The following MED15 variants were observed in gnomAD, a reference collection of about 807,000 sequenced individuals.
MED15 encodes mediator complex subunit 15.
In MED15, 41 loss-of-function variants were observed where a neutral mutation model predicts 118.7. The observed-to-expected ratio is 0.35, with a 90% CI of 0.27 to 0.45. The LOEUF (loss-of-function observed/expected upper bound fraction) is 0.45, where lower values mean the gene tolerates loss of function less well. Ranked by LOEUF, MED15 falls within the 20% of genes least tolerant of loss-of-function variation. MED15 has a pLI of 1.00. For missense variants in MED15, 740 were observed against 1,025.5 expected (o/e 0.72, Z 3.80); for synonymous variants, 436 against 413.9 (o/e 1.05, Z -0.65).
chr22:20,551,744 C>T lies in MED15; in HGVS notation c.208+257C>T, dbSNP rs755031779. 2.0e-4 allele frequency: 110 copies of T among 539,444 alleles called. 1 individual carries two copies. The highest frequency in any genetic ancestry group is 3.0e-4 in the Non-Finnish European group (90 of 301,016). 33.4% of individuals were successfully genotyped at this position (539,444 alleles called of 1,614,324 possible). A position where few individuals can be genotyped will look rare whatever the true frequency, so the allele number is the denominator to read the frequency against. ...TCAAAGTGGTCTAAACGGGTTGCTG[C>T]TTCACTTGCTCACTTAATCTCCCTT... On this transcript the variant is annotated intron_variant, in intron 3 of 17. Coordinates refer to ENST00000263205, the MANE Select transcript of MED15 (RefSeq NM_001003891.3).
At chr22:20,515,694 G>T (rs2054225736) in intron 1 of MED15, among the ~76,000 whole-genome samples, 1 of 151,886 alleles carries the variant, frequency 6.6e-6, no homozygotes, top group Non-Finnish European at 1.5e-5. Context: ...GCTGAGGCAG[G>T]AGAATCGCTT....
intron 13 of MED15, 94 bp downstream of exon 13, chr22:20,583,487 C>T: frequency 3.4e-6 from 5 of 1,463,542 alleles, no homozygotes; most frequent in Non-Finnish European, 4.7e-6. Context: ...TTAACAAAGG[C>T]ACCAGGCAGC....
At chr22:20,586,449 A>G in intron 17 of MED15, 119 bp from the exon 18 acceptor site, 1 of 1,464,690 alleles carries the variant, frequency 6.8e-7, no homozygotes, top group South Asian at 1.3e-5. Context: ...TGCAGGACAC[A>G]TCACCTCCTG....
intron 1 of MED15, among the ~76,000 whole-genome samples, chr22:20,518,168 T>G (rs2054320685): frequency 6.8e-6 from 1 of 147,356 alleles, no homozygotes; most frequent in Admixed American, 6.7e-5. Context: ...TAAACAGATG[T>G]CTTTAACTGG....
intron 1 of MED15, among the ~76,000 whole-genome samples, chr22:20,520,560 G>C (rs2054410047): frequency 1.3e-5 from 2 of 152,218 alleles, no homozygotes; most frequent in Admixed American, 1.3e-4. Flanking sequence ...TTCATGGGGT[G>C]TTTAAATTGA....
chr22:20,555,239 A>G lies in MED15; in HGVS notation c.451+91A>G, dbSNP rs531440440. On this transcript the variant is annotated intron_variant, in intron 5 of 17. Coordinates refer to ENST00000263205, the MANE Select transcript of MED15 (RefSeq NM_001003891.3). ...TGCTTATGATGGTATCAAGAAAAGC[A>G]TGGAGAAGCTCCAAATCGCTCTGGT... The G allele has an allele frequency of 2.6e-5, 33 of 1,282,316 alleles. No homozygotes were observed. The Admixed American group carries it at 5.6e-4, about 22-fold the overall frequency. The allele number at this position is 1,282,316 out of a possible 1,614,324, so 79.4% of individuals were successfully genotyped here.
chr22:20,554,859 G>T, intron 4 of MED15, 77 bp from the exon 5 acceptor site: 1 of 1,401,856 alleles, frequency 7.1e-7, no homozygotes, highest in Non-Finnish European at 9.7e-7. Flanking sequence ...TCTGTGCTCT[G>T]TGAGCCTTAC....
At position 20,535,787 on chromosome 22, in the gene MED15, C is replaced by T. The variant is rs911421800; in HGVS notation, c.69-1330C>T. On this transcript the variant is annotated intron_variant, in intron 1 of 17. Coordinates refer to ENST00000263205, the MANE Select transcript of MED15 (RefSeq NM_001003891.3). ...TGTTAGCCAGGATGGTCGTGCTCGC[C>T]TGACCTCGTGATCTGCCCGCCTTGG... Among the ~76,000 whole-genome samples, 6 of 151,820 alleles carry T rather than the reference C, an allele frequency of 4.0e-5. No homozygotes were observed. The East Asian group carries it at 1.2e-3, about 29-fold the overall frequency.
chr22:20,526,757 C>A (rs2054660576), intron 1 of MED15, among the ~76,000 whole-genome samples: 1 of 152,146 alleles, frequency 6.6e-6, no homozygotes, highest in Non-Finnish European at 1.5e-5. Flanking sequence ...TGGGCGGTGA[C>A]CCTCTTGGAC....
rs541005170 is a variant in MED15, at chr22:20,585,463, C to T, written c.2131+196C>T. ...TGCCTCAGTCCCCACTGCCAGAGCC[C>T]GCACACTCTCACCTCCCCAACACAG... On this transcript the variant is annotated intron_variant, in intron 16 of 17. Transcript: ENST00000263205. The T allele has an allele frequency of 1.9e-4, 149 of 773,658 alleles. No homozygotes were observed. In the African/African-American group the frequency reaches 2.4e-3, roughly 12 times the overall value. The allele number at this position is 773,658 out of a possible 1,614,324, so 47.9% of individuals were successfully genotyped here.
In MED15 at chr22:20,582,976, G is replaced by A; in HGVS notation, c.1537+9G>A. 1 of 1,611,826 alleles carries A rather than the reference G, an allele frequency of 6.2e-7. No individual in the cohort carries two copies. The highest frequency in any genetic ancestry group is 1.1e-5 in the South Asian group (1 of 90,798). Reference sequence around the variant, plus strand: ...ACCTTTAAACACACCTGGTAAGTTGGGCCTGAGGTGCTAAGGTCACTCCTC... The same window carrying A: ...ACCTTTAAACACACCTGGTAAGTTGAGCCTGAGGTGCTAAGGTCACTCCTC... On this transcript the variant is annotated intron_variant, in intron 11 of 17. Transcript: ENST00000263205.
chr22:20,538,670 A>G (rs755993468), intron 2 of MED15, among the ~76,000 whole-genome samples: 25 of 152,110 alleles, frequency 1.6e-4, no homozygotes, highest in Non-Finnish European at 2.4e-4. Context: ...TTTTCCATAT[A>G]AATATAATTG....
chr22:20,532,183 A>G (rs906560755), intron 1 of MED15, among the ~76,000 whole-genome samples: 3 of 152,184 alleles, frequency 2.0e-5, no homozygotes, highest in Non-Finnish European at 4.4e-5. Flanking sequence ...GCCCTTTGGG[A>G]GGAATTGCCA....
At chr22:20,544,367 A>G (rs2055438832) in intron 2 of MED15, among the ~76,000 whole-genome samples, 1 of 152,208 alleles carries the variant, frequency 6.6e-6, no homozygotes, top group South Asian at 2.1e-4. Context: ...TTGGTGGCTT[A>G]AAAGAACAGA....
chr22:20,584,976 T>A lies in MED15; in HGVS notation c.1925T>A (p.Phe642Tyr), dbSNP rs1392770749. The change falls in exon 15 of 18, where the codon TTC becomes TAC. Residue 642 changes from phenylalanine (F) to tyrosine (Y), a missense_variant. By Grantham distance (22) the Phe-to-Tyr change is conservative (BLOSUM62 3). Transcript: ENST00000263205. The part of the protein sequence containing the change: ...PVFNHSLYRT[F>Y]VPAMTAIHGP... ...TTCAACCATTCCCTGTACCGCACATTCGTTCCAGCCATGACCGCCATTCAC... is the reference window on the plus strand; with the variant it reads ...TTCAACCATTCCCTGTACCGCACATACGTTCCAGCCATGACCGCCATTCAC... The A allele has an allele frequency of 1.2e-5, 19 of 1,613,976 alleles. No homozygotes were observed. The highest frequency in any genetic ancestry group is 1.6e-5 in the Non-Finnish European group (19 of 1,180,010).
intron 14 of MED15, 143 bp downstream of exon 14, chr22:20,584,568 C>T (rs577811660): frequency 9.6e-7 from 1 of 1,040,342 alleles, no homozygotes; most frequent in East Asian, 2.4e-5. Flanking sequence ...GCTTCCTGGC[C>T]AGGTCTGCTG....
At chr22:20,519,792 G>T (rs2054384653) in intron 1 of MED15, among the ~76,000 whole-genome samples, 3 of 152,182 alleles carry the variant, frequency 2.0e-5, no homozygotes, top group Admixed American at 2.0e-4. Context: ...AATGTACAGA[G>T]AGTTGCAAGG....
At chr22:20,508,280 G>C in intron 1 of MED15, 3 of 1,299,324 alleles carry the variant, frequency 2.3e-6, no homozygotes, top group Non-Finnish European at 3.0e-6. Flanking sequence ...AGGATGGCAG[G>C]AAGCCGCTGT....
At chr22:20,542,467 G>A (rs1435751785) in intron 2 of MED15, among the ~76,000 whole-genome samples, 3 of 152,184 alleles carry the variant, frequency 2.0e-5, no homozygotes, top group Admixed American at 6.5e-5. Context: ...CAGTCACAAA[G>A]GATGACATGT....
Sources: allele counts gnomAD v4.1 joint callset (sites outside exome capture counted in the v4.1 genomes callset), GRCh38; gene constraint gnomAD v4.1.1; transcripts MANE v1.5; gene names NCBI Gene and HGNC (gene_info 2026-07-23, HGNC 2026-07-21).